Variants in COPG2 observed in about 807,000 individuals in gnomAD.
COPG2 encodes coat protein complex I subunit gamma 2.
Under a neutral mutation model 46.3 loss-of-function variants are expected in COPG2, and 37 were observed. That is an observed-to-expected ratio of 0.80 (90% CI 0.61 to 1.05). COPG2 has a LOEUF of 1.05. COPG2 is among the 50% of genes least tolerant of loss of function. The probability of loss-of-function intolerance (pLI) is 0.00; values close to 1 mark genes in which losing one functional copy is unlikely to be tolerated. For missense variants in COPG2, 427 were observed against 387.8 expected (o/e 1.10, Z -0.85); for synonymous variants, 159 against 129.7 (o/e 1.23, Z -1.53).
At chr7:130,552,331 T>A (rs1289335189) in intron 15 of COPG2, 24 bp downstream of exon 15, 8 of 398,206 alleles carry the variant, frequency 2.0e-5, no homozygotes, top group East Asian at 3.6e-5. Flanking sequence ...TATTTTTTTT[T>A]AGAAAAGACA....
chr7:130,508,511 A>G, intron 21 of COPG2, 51 bp downstream of exon 21: 1 of 728,028 alleles, frequency 1.4e-6, no homozygotes, highest in Admixed American at 2.0e-5. Flanking sequence ...GGCAGAAGTC[A>G]CTTAGTGTTG....
At position 130,638,056 on chromosome 7, in the gene COPG2, C is replaced by T. The variant is rs201925241; in HGVS notation, c.323+14813G>A. On this transcript the variant is annotated intron_variant, in intron 5 of 23. Coordinates refer to ENST00000425248, the MANE Select transcript of COPG2 (RefSeq NM_012133.6). ...TTGCCTGGGTATCACCAGCAGAGGC[C>T]GCAGAACAGCAAAGATTGCCGCCTG... Among the ~76,000 whole-genome samples, 10 of 152,234 alleles carry T rather than the reference C, an allele frequency of 6.6e-5. 3 individuals are homozygous for T. Among genetic ancestry groups the T allele is most frequent in the Admixed American group, 5.2e-4 (8 of 15,290 alleles).
At chr7:130,640,788 T>A (rs1554457098) in intron 5 of COPG2, among the ~76,000 whole-genome samples, 2 of 152,246 alleles carry the variant, frequency 1.3e-5, no homozygotes. Context: ...TTTCCTGAGG[T>A]AGAGAGGGAA....
At chr7:130,574,503 T>G (rs1197109835) in intron 9 of COPG2, among the ~76,000 whole-genome samples, 1 of 152,110 alleles carries the variant, frequency 6.6e-6, no homozygotes, top group Non-Finnish European at 1.5e-5. Context: ...GGGAGAGTAC[T>G]ACATCCAAGC....
chr7:130,546,194 A>C (rs926528662), intron 20 of COPG2, among the ~76,000 whole-genome samples: 28 of 152,342 alleles, frequency 1.8e-4, no homozygotes, highest in Admixed American at 5.9e-4. Context: ...GGCTACTGGA[A>C]AAGAACTGAT....
intron 5 of COPG2, among the ~76,000 whole-genome samples, chr7:130,628,374 T>C (rs1346688250): frequency 1.3e-5 from 2 of 152,186 alleles, no homozygotes; most frequent in Non-Finnish European, 2.9e-5. Flanking sequence ...TCTTTAAATT[T>C]TTTTTAGTTG....
intron 5 of COPG2, among the ~76,000 whole-genome samples, chr7:130,643,726 G>A (rs1474938714): frequency 6.6e-6 from 1 of 152,158 alleles, no homozygotes; most frequent in Non-Finnish European, 1.5e-5. Flanking sequence ...GGGAGGCCAA[G>A]GCATGTCAGA....
At chr7:130,631,536 G>C (rs1795231775) in intron 5 of COPG2, among the ~76,000 whole-genome samples, 1 of 152,006 alleles carries the variant, frequency 6.6e-6, no homozygotes, top group South Asian at 2.1e-4. Flanking sequence ...TAACTCTTTT[G>C]TTGGCTTATT....
intron 9 of COPG2, among the ~76,000 whole-genome samples, chr7:130,575,532 C>T (rs961706228): frequency 6.6e-6 from 1 of 152,098 alleles, no homozygotes; most frequent in Admixed American, 6.5e-5. Flanking sequence ...CAAGCCACCA[C>T]CACAAGGACT....
intron 9 of COPG2, among the ~76,000 whole-genome samples, chr7:130,581,336 G>T: frequency 4.9e-5 from 2 of 40,742 alleles, no homozygotes; most frequent in African/African-American, 8.3e-5. Context: ...AGGTATTGAT[G>T]GGACGTATTT....
chr7:130,596,614 T>C (rs908899933), intron 9 of COPG2, among the ~76,000 whole-genome samples: 9 of 152,148 alleles, frequency 5.9e-5, no homozygotes, highest in African/African-American at 2.2e-4. Flanking sequence ...CAAGGGAACA[T>C]GGACAACTGT....
In COPG2 at chr7:130,512,052, TAAAAAA is replaced by T. The variant is rs1182017221; in HGVS notation, c.2150-3399_2150-3394del. On this transcript the variant is annotated intron_variant, in intron 20 of 23. Coordinates refer to ENST00000425248, the MANE Select transcript of COPG2 (RefSeq NM_012133.6). ...CAACATGGTGAAACACTGTGTCTTC[TAAAAAA>T]AAAAAAAAAAAAAAAAAAATACAAA... Among the ~76,000 whole-genome samples, 18 of 99,154 alleles carry T rather than the reference TAAAAAA, an allele frequency of 1.8e-4. 1 individual carries two copies. Among genetic ancestry groups the T allele is most frequent in the African/African-American group, 5.1e-4 (11 of 21,530 alleles). 65.0% of individuals were successfully genotyped at this position (99,154 alleles called of 152,430 possible). A position where few individuals can be genotyped will look rare whatever the true frequency, so the allele number is the denominator to read the frequency against.
chr7:130,606,322 AAG>A (rs1243103875), intron 9 of COPG2, among the ~76,000 whole-genome samples: 2 of 151,836 alleles, frequency 1.3e-5, no homozygotes, highest in Non-Finnish European at 2.9e-5. Flanking sequence ...AGAGAAAAGA[AAG>A]AGAAAGAAGG....
intron 9 of COPG2, among the ~76,000 whole-genome samples, chr7:130,602,174 G>A (rs1234984328): frequency 6.6e-6 from 1 of 152,114 alleles, no homozygotes; most frequent in Non-Finnish European, 1.5e-5. Context: ...ATACCACATA[G>A]CAAGAGATAA....
chr7:130,664,567 C>T (rs1212254303), intron 3 of COPG2, among the ~76,000 whole-genome samples: 3 of 152,146 alleles, frequency 2.0e-5, no homozygotes, highest in Non-Finnish European at 2.9e-5. Flanking sequence ...AAGTTCTAGG[C>T]AAAGAGATAA....
At chr7:130,516,040 G>A (rs1264430602) in intron 20 of COPG2, among the ~76,000 whole-genome samples, 1 of 152,116 alleles carries the variant, frequency 6.6e-6, no homozygotes, top group Non-Finnish European at 1.5e-5. Flanking sequence ...TTATCCAAAA[G>A]ACAGTACTGA....
chr7:130,506,727 G>T lies in COPG2; in HGVS notation c.2565C>A (p.Val855=). The T allele has an allele frequency of 1.3e-6, 1 of 780,494 alleles. No homozygotes were observed. Among genetic ancestry groups the T allele is most frequent in the South Asian group, 1.3e-5 (1 of 74,600 alleles). The allele number at this position is 780,494 out of a possible 1,614,324, so 48.3% of individuals were successfully genotyped here. Residue 855 remains valine, a synonymous_variant, in exon 24 of 24, where the codon GTC becomes GTA. Coordinates refer to ENST00000425248, the MANE Select transcript of COPG2 (RefSeq NM_012133.6). ...LADGVTMQVT[V]RSKERTPVDV... ...CTACAGGTGTTCTCTCTTTACTTCT[G>T]ACAGTCACCTGCATGGTCACTCCAT...
intron 20 of COPG2, among the ~76,000 whole-genome samples, chr7:130,531,417 C>T (rs1799823936): frequency 6.6e-6 from 1 of 151,954 alleles, no homozygotes; most frequent in African/African-American, 2.4e-5. Context: ...AGGGAAGTCT[C>T]TTAGAGGGGG....
chr7:130,527,721 C>A (rs1374878368), intron 20 of COPG2, among the ~76,000 whole-genome samples: 139,284 of 151,876 alleles, frequency 0.92, 64,036 homozygotes, highest in Middle Eastern at 0.95. Context: ...ACGTGGAGTG[C>A]GAGGGGAAGA....
Sources: allele counts gnomAD v4.1 joint callset (sites outside exome capture counted in the v4.1 genomes callset), GRCh38; gene constraint gnomAD v4.1.1; transcripts MANE v1.5; gene names NCBI Gene and HGNC (gene_info 2026-07-23, HGNC 2026-07-21).